The following G3BP1 variants were observed in gnomAD, a reference collection of about 807,000 sequenced individuals.
G3BP1 encodes G3BP stress granule assembly factor 1.
A neutral mutation model predicts 58.6 loss-of-function variants in G3BP1; 35 were observed. The observed-to-expected ratio is 0.60, with a 90% confidence interval of 0.46 to 0.79. G3BP1 has a LOEUF of 0.79. Ranked by LOEUF, G3BP1 falls within the 30% of genes least tolerant of loss-of-function variation. G3BP1 has a pLI of 0.00. For missense variants in G3BP1, 523 were observed against 580.8 expected, an observed-to-expected ratio of 0.90 and a Z score of 1.02; for synonymous variants, 191 against 195.4, an observed-to-expected ratio of 0.98 and a Z score of 0.19.
At chr5:151,783,810 T>C (rs1486197969) in intron 1 of G3BP1, among the ~76,000 whole-genome samples, 1 of 152,186 alleles carries the variant, frequency 6.6e-6, no homozygotes, top group Non-Finnish European at 1.5e-5. Flanking sequence ...TCGCCCAGGC[T>C]GGAGTGCAGT....
rs1762514364 is a variant in G3BP1, at chr5:151,783,880, A to C, written c.-49-2692A>C. On this transcript the variant is annotated intron_variant, in intron 1 of 11. Coordinates refer to ENST00000356245, the MANE Select transcript of G3BP1 (RefSeq NM_005754.3). ...CGGGTTCAAGCAGTTCTCCTCCCTC[A>C]GCCTCCTGAATAGCTGGGATTACAG... Among the ~76,000 whole-genome samples the C allele has an allele frequency of 2.0e-5, 3 of 152,036 alleles. No homozygotes were observed. In the South Asian group the frequency reaches 6.2e-4, roughly 32 times the overall value.
At chr5:151,787,948 T>G (rs1288070753) in intron 2 of G3BP1, among the ~76,000 whole-genome samples, 1 of 148,918 alleles carries the variant, frequency 6.7e-6, no homozygotes, top group Non-Finnish European at 1.5e-5. Context: ...AGAGAGAGAG[T>G]TAAGTCTCAG....
At chr5:151,784,396 G>A (rs1762523882) in intron 1 of G3BP1, among the ~76,000 whole-genome samples, 1 of 152,168 alleles carries the variant, frequency 6.6e-6, no homozygotes, top group Non-Finnish European at 1.5e-5. Flanking sequence ...AACCTGCTAA[G>A]TCAGTTTTGA....
Position 151,804,336 on chromosome 5 carries a change from G to C in G3BP1, c.*245G>C. On this transcript the variant is annotated 3_prime_UTR_variant, in exon 12 of 12. Coordinates refer to ENST00000356245, the MANE Select transcript of G3BP1 (RefSeq NM_005754.3). Reference sequence around the variant, plus strand: ...TTAGGAATAACGGACTTTTAAAGAAGCAAAAAAAAAGACTGAATTTCCTTG... The same window carrying C: ...TTAGGAATAACGGACTTTTAAAGAACCAAAAAAAAAGACTGAATTTCCTTG... 1 of 329,562 alleles carries C rather than the reference G, an allele frequency of 3.0e-6. No homozygotes were observed. Among genetic ancestry groups the C allele is most frequent in the Non-Finnish European group, 5.4e-6 (1 of 185,958 alleles). 20.4% of individuals were successfully genotyped at this position (329,562 alleles called of 1,614,324 possible).
At chr5:151,800,949 G>A (rs1762840256) in intron 11 of G3BP1, 80 bp downstream of exon 11, 1 of 684,550 alleles carries the variant, frequency 1.5e-6, no homozygotes, top group Admixed American at 2.5e-5. Context: ...TTTACAGCTG[G>A]GTCTTTATGT....
chr5:151,795,155 A>C (rs1167439724), intron 5 of G3BP1, among the ~76,000 whole-genome samples: 2 of 152,222 alleles, frequency 1.3e-5, no homozygotes, highest in African/African-American at 4.8e-5. Flanking sequence ...CAGGCGCCTT[A>C]GTCCTAGCTA....
intron 1 of G3BP1, among the ~76,000 whole-genome samples, chr5:151,778,496 C>G (rs1581570817): frequency 6.6e-6 from 1 of 152,060 alleles, no homozygotes; most frequent in African/African-American, 2.4e-5. Flanking sequence ...GGCTGGAGTG[C>G]AGTGGCGCCA....
At chr5:151,788,764 C>G (rs959724150) in intron 2 of G3BP1, among the ~76,000 whole-genome samples, 1 of 151,882 alleles carries the variant, frequency 6.6e-6, no homozygotes, top group Non-Finnish European at 1.5e-5. Flanking sequence ...TGGGTGCGCA[C>G]CACCACCATG....
intron 1 of G3BP1, among the ~76,000 whole-genome samples, chr5:151,784,004 G>A (rs903940019): frequency 2.0e-4 from 30 of 152,178 alleles, no homozygotes; most frequent in African/African-American, 7.0e-4. Flanking sequence ...TCTGTGATCC[G>A]CTCGCCTCGG....
Position 151,804,213 on chromosome 5 carries a change from AT to A in G3BP1, c.*126del. 3 of 634,898 alleles carry A rather than the reference AT, an allele frequency of 4.7e-6. No homozygotes were observed. The highest frequency in any genetic ancestry group is 7.8e-6 in the Non-Finnish European group (3 of 383,454). The allele number at this position is 634,898 out of a possible 1,614,324, so 39.3% of individuals were successfully genotyped here. A position where few individuals can be genotyped will look rare whatever the true frequency, so the allele number is the denominator to read the frequency against. On this transcript the variant is annotated 3_prime_UTR_variant, in exon 12 of 12. Transcript: ENST00000356245. Reference sequence around the variant, plus strand: ...GTTATAAACTGCTTAAGTTTGTATAATTTTACTTTTTTTGTGTGTTAATGGT... The same window carrying A: ...GTTATAAACTGCTTAAGTTTGTATAATTTACTTTTTTTGTGTGTTAATGGT...
chr5:151,798,381 T>C (rs1762792428), intron 7 of G3BP1, among the ~76,000 whole-genome samples: 1 of 152,002 alleles, frequency 6.6e-6, no homozygotes. Flanking sequence ...AGTGGAAAAG[T>C]AGGTTGGCTG....
chr5:151,795,996 T>C (rs1352694309), intron 6 of G3BP1, among the ~76,000 whole-genome samples: 1 of 152,190 alleles, frequency 6.6e-6, no homozygotes, highest in Non-Finnish European at 1.5e-5. Flanking sequence ...AGAATTTCAT[T>C]ACGTTAGTAA....
intron 11 of G3BP1, among the ~76,000 whole-genome samples, chr5:151,802,888 G>A (rs767100174): frequency 2.6e-5 from 4 of 151,996 alleles, no homozygotes; most frequent in African/African-American, 7.3e-5. Context: ...AGCCGAGATC[G>A]CGCCACTGCA....
chr5:151,781,124 A>G (rs1762463658), intron 1 of G3BP1, among the ~76,000 whole-genome samples: 1 of 152,364 alleles, frequency 6.6e-6, no homozygotes, highest in Non-Finnish European at 1.5e-5. Context: ...TCATGAATGC[A>G]TAAAATATAT....
At position 151,800,857 on chromosome 5, in the gene G3BP1, C is replaced by G; in HGVS notation, c.1182C>G (p.Val394=). 1.3e-6 allele frequency: 2 copies of G among 1,566,432 alleles called. No homozygotes were observed. The highest frequency in any genetic ancestry group is 1.8e-6 in the Non-Finnish European group (2 of 1,139,928). ...VFDDSEPVQK[V]LSNRPIMFRG... is the part of the protein sequence containing the mutation. ...ATGATTCTGAGCCTGTTCAGAAAGTCCTTAGCAACAGGGTAAGCAGCTTTT... is the reference window on the plus strand; with the variant it reads ...ATGATTCTGAGCCTGTTCAGAAAGTGCTTAGCAACAGGGTAAGCAGCTTTT... Residue 394 remains valine, a synonymous_variant, in exon 11 of 12, where the codon GTC becomes GTG. Transcript: ENST00000356245.
At position 151,811,520 on chromosome 5, in the gene G3BP1, TC is replaced by T. The variant is rs1403990015; in HGVS notation, c.*7431del. ...AAATTTCAGAAAACTTTAATTTTTTTCCATTGGAATCAGCATGGATATGTGT... is the reference window on the plus strand; with the variant it reads ...AAATTTCAGAAAACTTTAATTTTTTTCATTGGAATCAGCATGGATATGTGT... On this transcript the variant is annotated 3_prime_UTR_variant, in exon 12 of 12. Coordinates refer to ENST00000356245, the MANE Select transcript of G3BP1 (RefSeq NM_005754.3). The T allele has an allele frequency of 3.3e-5, 5 of 152,230 alleles. No individual in the cohort carries two copies. The highest frequency in any genetic ancestry group is 1.2e-4 in the African/African-American group (5 of 41,460). 9.4% of individuals were successfully genotyped at this position (152,230 alleles called of 1,614,324 possible).
chr5:151,773,013 A>G (rs1322117390), intron 1 of G3BP1, among the ~76,000 whole-genome samples: 1 of 152,244 alleles, frequency 6.6e-6, no homozygotes, highest in African/African-American at 2.4e-5. Flanking sequence ...ATGTGCCGCC[A>G]CCGTAGCTTC....
At chr5:151,777,076 G>GA in intron 1 of G3BP1, among the ~76,000 whole-genome samples, 1 of 152,172 alleles carries the variant, frequency 6.6e-6, no homozygotes, top group East Asian at 1.9e-4. Flanking sequence ...ATTGTGAAGG[G>GA]AGGTGACAGG....
chr5:151,799,261 C>T lies in G3BP1; in HGVS notation c.791C>T (p.Ala264Val). The change falls in exon 8 of 12, where the codon GCT (alanine) becomes GTT (valine). Residue 264 changes from alanine (A) to valine (V), a missense_variant. By Grantham distance (64) the Ala-to-Val change is moderately conservative (BLOSUM62 0). Coordinates refer to ENST00000356245, the MANE Select transcript of G3BP1 (RefSeq NM_005754.3). ...AGTAAGAATCTTCCACCCAGTGGAG[C>T]TGTTCCAGTTACTGGGATACCACCT... ...VTSKNLPPSG[A>V]VPVTGIPPHV... 1 of 1,607,102 alleles carries T rather than the reference C, an allele frequency of 6.2e-7. No homozygotes were observed. The highest frequency in any genetic ancestry group is 1.1e-5 in the South Asian group (1 of 90,934).
Sources: allele counts gnomAD v4.1 joint callset (sites outside exome capture counted in the v4.1 genomes callset), GRCh38; gene constraint gnomAD v4.1.1; transcripts MANE v1.5; gene names NCBI Gene and HGNC (gene_info 2026-07-23, HGNC 2026-07-21).